Variants in IPO9 observed in about 807,000 individuals in gnomAD.
IPO9 encodes the protein importin-9.
Under a neutral mutation model 128.6 loss-of-function variants are expected in IPO9, and 28 were observed. The observed-to-expected ratio is 0.22, with a 90% CI of 0.16 to 0.30. IPO9 has a LOEUF of 0.30. IPO9 is among the 10% of genes least tolerant of loss of function. IPO9 has a pLI of 1.00. For synonymous variants in IPO9, 455 were observed against 475.8 expected (o/e 0.96, Z 0.57); for missense variants, 935 against 1,293.9 (o/e 0.72, Z 4.26).
Position 201,884,004 on chromosome 1 carries a change from G to A in IPO9, c.*7950G>A, listed in dbSNP as rs1337761864. 2.0e-5 allele frequency: 3 copies of A among 152,254 alleles called. No individual in the cohort carries two copies. Among genetic ancestry groups the A allele is most frequent in the Admixed American group, 6.5e-5 (1 of 15,290 alleles). 9.4% of individuals were successfully genotyped at this position (152,254 alleles called of 1,614,324 possible). A position where few individuals can be genotyped will look rare whatever the true frequency, so the allele number is the denominator to read the frequency against. On this transcript the variant is annotated 3_prime_UTR_variant, in exon 24 of 24. Coordinates refer to ENST00000361565, the MANE Select transcript of IPO9 (RefSeq NM_018085.5). ...TTCTAGTGGGTTGAACCGAACGGTA[G>A]TCCGTTTCCAAAAGAGGAAGCCAAG...
At chr1:201,865,342 G>A (rs1432348022) in intron 14 of IPO9, among the ~76,000 whole-genome samples, 32 of 151,970 alleles carry the variant, frequency 2.1e-4, no homozygotes, top group Non-Finnish European at 2.9e-5. Context: ...CCCAGCAGCT[G>A]GGATTACAGG....
At chr1:201,832,166 G>A (rs1426217013) in intron 1 of IPO9, among the ~76,000 whole-genome samples, 1 of 151,928 alleles carries the variant, frequency 6.6e-6, no homozygotes, top group Non-Finnish European at 1.5e-5. Flanking sequence ...CTCCCAAAGT[G>A]CTGGGATTAC....
At chr1:201,863,688 A>G in intron 14 of IPO9, 81 bp downstream of exon 14, 1 of 1,304,348 alleles carries the variant, frequency 7.7e-7, no homozygotes, top group South Asian at 1.8e-5. Context: ...CCAGTGTATT[A>G]TGTTGCTTGG....
rs1206506410 is a variant in IPO9 at position 201,882,720 on chromosome 1, AGTT to A, written c.*6670_*6672del. 6.6e-6 allele frequency: 1 copy of A among 152,278 alleles called. No homozygotes were observed. Among genetic ancestry groups the A allele is most frequent in the Non-Finnish European group, 1.5e-5 (1 of 68,026 alleles). The allele number at this position is 152,278 out of a possible 1,614,324, so 9.4% of individuals were successfully genotyped here. On this transcript the variant is annotated 3_prime_UTR_variant, in exon 24 of 24. Transcript: ENST00000361565. ...GGCCTAGAAGTCCCTCCCAGGCTTG[AGTT>A]GTTCTGACTTGGCATGATTACATAG...
intron 13 of IPO9, among the ~76,000 whole-genome samples, chr1:201,861,109 T>G (rs926585234): frequency 3.3e-5 from 5 of 152,052 alleles, no homozygotes; most frequent in African/African-American, 1.2e-4. Flanking sequence ...GAGGTTGCAG[T>G]GAGCCGAGAT....
intron 10 of IPO9, among the ~76,000 whole-genome samples, chr1:201,856,216 C>T (rs1222119699): frequency 6.6e-6 from 1 of 151,394 alleles, no homozygotes; most frequent in East Asian, 1.9e-4. Flanking sequence ...AGCAATCCAC[C>T]CACCTTGGCC....
At chr1:201,855,749 G>T in intron 9 of IPO9, 34 bp from the exon 10 acceptor site, 3 of 1,584,328 alleles carry the variant, frequency 1.9e-6, no homozygotes, top group Non-Finnish European at 2.6e-6. Flanking sequence ...TTGCTTTCTT[G>T]TCATTAATTT....
At chr1:201,838,084 A>AG (rs1553288685) in intron 1 of IPO9, among the ~76,000 whole-genome samples, 1 of 152,190 alleles carries the variant, frequency 6.6e-6, no homozygotes, top group Non-Finnish European at 1.5e-5. Flanking sequence ...AGAAAAAAAA[A>AG]GGAAATGCTG....
Position 201,831,885 on chromosome 1 carries a change from TTTGTTGTTG to T in IPO9, c.163+2537_163+2545del, listed in dbSNP as rs10646458. ...GCTTCACATTTTAGTGTTTTTTGCTTTTGTTGTTGTTGTTGTTGTTGTTGTTGTTGTTTT... is the reference window on the plus strand; with the variant it reads ...GCTTCACATTTTAGTGTTTTTTGCTTTTGTTGTTGTTGTTGTTGTTGTTTT... On this transcript the variant is annotated intron_variant, in intron 1 of 23. Coordinates refer to ENST00000361565, the MANE Select transcript of IPO9 (RefSeq NM_018085.5). Among the ~76,000 whole-genome samples the T allele has an allele frequency of 7.5e-3, 1,128 of 150,802 alleles. 14 individuals carry two copies. Among genetic ancestry groups the T allele is most frequent in the African/African-American group, 0.025 (1,027 of 41,122 alleles).
Position 201,858,948 on chromosome 1 carries a change from G to A in IPO9, c.1422G>A (p.Met474Ile), listed in dbSNP as rs1487437107. The change falls in exon 13 of 24, where the codon ATG becomes ATA. Residue 474 changes from methionine (M) to isoleucine (I), a missense_variant. By Grantham distance (10) the Met-to-Ile change is conservative. Coordinates refer to ENST00000361565, the MANE Select transcript of IPO9 (RefSeq NM_018085.5). ...AAAATGGCAGGATTCATTTTGACAT[G>A]CATGGGTTCCTGACCAATGTCATCC... ...SVKNGRIHFD[M>I]HGFLTNVILA... 1.2e-6 allele frequency: 2 copies of A among 1,612,522 alleles called. No individual in the cohort carries two copies. The highest frequency in any genetic ancestry group is 1.7e-5 in the Admixed American group (1 of 59,988).
Position 201,869,588 on chromosome 1 carries a change from A to C in IPO9, c.2005-2A>C. On this transcript the variant is annotated splice_acceptor_variant, in intron 16 of 23. Transcript: ENST00000361565. LOFTEE classifies it high-confidence loss of function. ...GACTTTTCTTTTTCTTCTCTCTTTC[A>C]GACAGCCATTGATATCCTGACAACA... 1 of 1,614,014 alleles carries C rather than the reference A, an allele frequency of 6.2e-7. No homozygotes were observed. Among genetic ancestry groups the C allele is most frequent in the Admixed American group, 1.7e-5 (1 of 60,010 alleles).
At chr1:201,874,780 G>T in intron 21 of IPO9, 52 bp from the exon 22 acceptor site, 1 of 1,283,296 alleles carries the variant, frequency 7.8e-7, no homozygotes, top group South Asian at 1.2e-5. Context: ...GATTTGGGGA[G>T]GGAAAATGCA....
At position 201,880,195 on chromosome 1, in the gene IPO9, TAAAA is replaced by T. The variant is rs965122745; in HGVS notation, c.*4147_*4150del. 2 of 151,022 alleles carry T rather than the reference TAAAA, an allele frequency of 1.3e-5. No individual in the cohort carries two copies. Among genetic ancestry groups the T allele is most frequent in the African/African-American group, 4.9e-5 (2 of 41,058 alleles). The allele number at this position is 151,022 out of a possible 1,614,324, so 9.4% of individuals were successfully genotyped here. A position where few individuals can be genotyped will look rare whatever the true frequency, so the allele number is the denominator to read the frequency against. ...ATACCTTGTCTCTTAAAATTTAAAA[TAAAA>T]AAAAAGTTTATTATGCCAGGAACTG... On this transcript the variant is annotated 3_prime_UTR_variant, in exon 24 of 24. Transcript: ENST00000361565.
chr1:201,831,586 T>A (rs1679833387), intron 1 of IPO9, among the ~76,000 whole-genome samples: 1 of 152,236 alleles, frequency 6.6e-6, no homozygotes, highest in African/African-American at 2.4e-5. Flanking sequence ...TTGTGGCCTT[T>A]AACAAGTTAT....
chr1:201,860,913 AC>A (rs1250280081), intron 13 of IPO9, among the ~76,000 whole-genome samples: 3 of 152,158 alleles, frequency 2.0e-5, no homozygotes, highest in Non-Finnish European at 4.4e-5. Flanking sequence ...TATGCCTGTA[AC>A]CCCAGCACTT....
In IPO9 at chr1:201,879,207, ATAAG is replaced by A. The variant is rs1424005419; in HGVS notation, c.*3154_*3157del. 1.1e-4 allele frequency: 16 copies of A among 152,234 alleles called. No individual in the cohort carries two copies. Among genetic ancestry groups the A allele is most frequent in the African/African-American group, 3.9e-4 (16 of 41,470 alleles). 9.4% of individuals were successfully genotyped at this position (152,234 alleles called of 1,614,324 possible). A position where few individuals can be genotyped will look rare whatever the true frequency, so the allele number is the denominator to read the frequency against. On this transcript the variant is annotated 3_prime_UTR_variant, in exon 24 of 24. Coordinates refer to ENST00000361565, the MANE Select transcript of IPO9 (RefSeq NM_018085.5). ...CAACAAATGACCCAAAAGCACCTAAATAAGAGTGACGAGAGTTTAACAGACATTC... is the reference window on the plus strand; with the variant it reads ...CAACAAATGACCCAAAAGCACCTAAAAGTGACGAGAGTTTAACAGACATTC...
At chr1:201,830,145 T>C (rs1434980674) in intron 1 of IPO9, among the ~76,000 whole-genome samples, 1 of 152,208 alleles carries the variant, frequency 6.6e-6, no homozygotes, top group Non-Finnish European at 1.5e-5. Context: ...TTTCACCGGG[T>C]CCAGTGTAGC....
In IPO9 at chr1:201,883,224, C is replaced by T. The variant is rs1342140294; in HGVS notation, c.*7170C>T. On this transcript the variant is annotated 3_prime_UTR_variant, in exon 24 of 24. Transcript: ENST00000361565. ...AACATACCTGAATTCTTTGCATTTC[C>T]TTGCCTTAGTTGCTTTTGTAGGGTG... The T allele has an allele frequency of 6.8e-6, 1 of 147,936 alleles. No individual in the cohort carries two copies. Among genetic ancestry groups the T allele is most frequent in the African/African-American group, 2.5e-5 (1 of 40,704 alleles). 9.2% of individuals were successfully genotyped at this position (147,936 alleles called of 1,614,324 possible).
At position 201,881,343 on chromosome 1, in the gene IPO9, T is replaced by C. The variant is rs560634253; in HGVS notation, c.*5289T>C. On this transcript the variant is annotated 3_prime_UTR_variant, in exon 24 of 24. Transcript: ENST00000361565. ...TTGATGAAACTGAAGCAGACAGATA[T>C]TGTTAACCTATCAAAGGTCACCCTG... The C allele has an allele frequency of 5.9e-5, 9 of 152,324 alleles. No individual in the cohort carries two copies. The East Asian group carries it at 9.6e-4, about 16-fold the overall frequency. The allele number at this position is 152,324 out of a possible 1,614,324, so 9.4% of individuals were successfully genotyped here. A position where few individuals can be genotyped will look rare whatever the true frequency, so the allele number is the denominator to read the frequency against.
Sources: gnomAD v4.1 joint callset for allele counts (sites outside exome capture counted in the v4.1 genomes callset) on GRCh38, gnomAD v4.1.1 for gene constraint, MANE v1.5 for transcripts, NCBI Gene and HGNC (gene_info 2026-07-23, HGNC 2026-07-21) for gene names.